Variants in ZC3H12B observed in about 807,000 individuals in gnomAD.
ZC3H12B encodes the protein zinc finger CCCH-type containing 12B, also known as probable ribonuclease ZC3H12B.
Under a neutral mutation model 43.9 loss-of-function variants are expected in ZC3H12B, and 7 were observed. The ratio of observed to expected loss-of-function variants is 0.16; its 90% CI spans 0.09 to 0.30. ZC3H12B has a LOEUF of 0.30. Among genes scored for constraint, ZC3H12B ranks in the 10% least tolerant of loss-of-function variants. The pLI, the probability that ZC3H12B is intolerant of heterozygous loss-of-function variation, is 1.00. For missense variants in ZC3H12B, 475 were observed against 670.2 expected (o/e 0.71, Z 3.22); for synonymous variants, 222 against 241.7 (o/e 0.92, Z 0.76).
At chrX:65,416,849 G>T in intron 3 of ZC3H12B, among the ~76,000 whole-genome samples, 1 of 110,656 alleles carries the variant, frequency 9.0e-6, no homozygotes, top group Admixed American at 9.6e-5. Context: ...AAGAACTCTG[G>T]GGCAGAGCTC....
the ZC3H12B span, among the ~76,000 whole-genome samples, chrX:65,188,245 T>C: frequency 9.0e-6 from 1 of 111,644 alleles, no homozygotes; most frequent in South Asian, 3.7e-4. Flanking sequence ...ATTTTGGCTA[T>C]TGTGAATAGT....
chrX:65,076,588 T>C, the ZC3H12B span, among the ~76,000 whole-genome samples: 9 of 111,604 alleles, frequency 8.1e-5, no homozygotes, highest in Admixed American at 8.6e-4. Context: ...TGTTTCTTTT[T>C]CATGCTATTT....
chrX:65,165,314 C>T, the ZC3H12B span, among the ~76,000 whole-genome samples: 17 of 111,796 alleles, frequency 1.5e-4, no homozygotes, highest in Admixed American at 1.6e-3. Context: ...ACAGAACGTA[C>T]AGGTTTGATA....
intron 1 of ZC3H12B, 84 bp downstream of exon 6, chrX:65,489,493 G>A (rs1486757463): frequency 2.4e-5 from 25 of 1,036,134 alleles, no homozygotes; most frequent in Non-Finnish European, 2.7e-5. Context: ...ATCATTATAA[G>A]AGGAGCATGG....
chrX:65,333,091 G>A, the ZC3H12B span, among the ~76,000 whole-genome samples: 1 of 111,267 alleles, frequency 9.0e-6, no homozygotes, highest in African/African-American at 3.3e-5. Context: ...TCCTCCTGAG[G>A]TCCTAATATA....
At chrX:65,412,441 T>C (rs937919113) in intron 3 of ZC3H12B, among the ~76,000 whole-genome samples, 1 of 111,762 alleles carries the variant, frequency 8.9e-6, no homozygotes. Context: ...TGTGTACATG[T>C]ATTTGTTTGA....
chrX:65,221,806 A>C, the ZC3H12B span, among the ~76,000 whole-genome samples: 48 of 111,536 alleles, frequency 4.3e-4, 1 homozygote, highest in Middle Eastern at 0.018. Flanking sequence ...AATATTCCAC[A>C]AGATATAAAA....
the ZC3H12B span, among the ~76,000 whole-genome samples, chrX:65,166,087 G>C: frequency 1.7e-4 from 19 of 110,429 alleles, no homozygotes; most frequent in African/African-American, 5.9e-4. Context: ...GGGTACATGT[G>C]CACAATGCGC....
At chrX:65,206,909 T>A in the ZC3H12B span, among the ~76,000 whole-genome samples, 1 of 109,850 alleles carries the variant, frequency 9.1e-6, no homozygotes, top group Admixed American at 9.8e-5. Flanking sequence ...GAAGAAATAC[T>A]CAACAACACT....
At chrX:65,367,006 T>G (rs910404209) in intron 1 of ZC3H12B, among the ~76,000 whole-genome samples, 4 of 112,079 alleles carry the variant, frequency 3.6e-5, no homozygotes, top group African/African-American at 1.3e-4. Flanking sequence ...ATCTACTACA[T>G]GTAAGGCTTA....
At chrX:65,212,448 T>G in the ZC3H12B span, among the ~76,000 whole-genome samples, 3 of 59,650 alleles carry the variant, frequency 5.0e-5, no homozygotes, top group Admixed American at 8.7e-4. Flanking sequence ...TTATATTATA[T>G]ATTATATAAT....
chrX:65,113,518 T>C, the ZC3H12B span, among the ~76,000 whole-genome samples: 2 of 109,161 alleles, frequency 1.8e-5, no homozygotes, highest in African/African-American at 6.8e-5. Context: ...GAGCCATGAT[T>C]ACACCACTGC....
At chrX:65,104,474 A>C in the ZC3H12B span, among the ~76,000 whole-genome samples, 1 of 111,895 alleles carries the variant, frequency 8.9e-6, no homozygotes, top group Non-Finnish European at 1.9e-5. Flanking sequence ...GAGTGACCAG[A>C]CAACCTACAG....
the ZC3H12B span, among the ~76,000 whole-genome samples, chrX:65,177,522 A>G: frequency 2.7e-5 from 3 of 112,219 alleles, no homozygotes; most frequent in Admixed American, 2.8e-4. Context: ...ATGTATTTTT[A>G]GAAAACCCCA....
At chrX:65,159,557 GCTCT>G in the ZC3H12B span, among the ~76,000 whole-genome samples, 1 of 111,317 alleles carries the variant, frequency 9.0e-6, no homozygotes, top group Non-Finnish European at 1.9e-5. Context: ...TCATGATTTG[GCTCT>G]CTGTCTGTTA....
At chrX:65,353,096 A>G in the ZC3H12B span, among the ~76,000 whole-genome samples, 599 of 110,906 alleles carry the variant, frequency 5.4e-3, 2 homozygotes, top group Middle Eastern at 9.3e-3. Context: ...AGCTCAAGCT[A>G]TCTGCCCCCC....
At chrX:65,354,889 A>G in the ZC3H12B span, among the ~76,000 whole-genome samples, 3 of 112,019 alleles carry the variant, frequency 2.7e-5, no homozygotes, top group African/African-American at 9.7e-5. Context: ...TTAATGAAAT[A>G]AAGCTTGAAG....
chrX:65,266,616 C>T, the ZC3H12B span, among the ~76,000 whole-genome samples: 1 of 111,745 alleles, frequency 8.9e-6, no homozygotes, highest in Admixed American at 9.6e-5. Flanking sequence ...TTGCTACCTA[C>T]CATACCCCAC....
intron 2 of ZC3H12B, among the ~76,000 whole-genome samples, chrX:65,383,370 T>C (rs1273768464): frequency 1.8e-5 from 2 of 111,817 alleles, no homozygotes; most frequent in African/African-American, 3.3e-5. Context: ...CCCTATTTAA[T>C]AAATGGTGCT....
Sources: gnomAD v4.1 joint callset for allele counts (sites outside exome capture counted in the v4.1 genomes callset) on GRCh38, gnomAD v4.1.1 for gene constraint, MANE v1.5 for transcripts, NCBI Gene and HGNC (gene_info 2026-07-23, HGNC 2026-07-21) for gene names.